The following WWOX variants were observed in gnomAD, a reference collection of about 807,000 sequenced individuals.
WWOX encodes the protein WW domain containing oxidoreductase.
Under a neutral mutation model 46.2 loss-of-function variants are expected in WWOX, and 69 were observed. The ratio of observed to expected loss-of-function variants is 1.49; its 90% CI spans 1.23 to 1.82. The LOEUF (loss-of-function observed/expected upper bound fraction) is 1.82, where lower values mean the gene tolerates loss of function less well. Ranked by LOEUF, WWOX falls within the 40% of genes most tolerant of loss-of-function variation. The pLI, the probability that WWOX is intolerant of heterozygous loss-of-function variation, is 0.00. For synonymous variants in WWOX, 359 were observed against 202.6 expected (o/e 1.77, Z -6.56); for missense variants, 919 against 542.6 (o/e 1.69, Z -6.89).
intron 5 of WWOX, among the ~76,000 whole-genome samples, chr16:78,205,599 A>T (rs1460489921): frequency 1.3e-5 from 2 of 149,484 alleles, no homozygotes; most frequent in African/African-American, 4.9e-5. Context: ...CCACCCATCC[A>T]TACACACTTC....
intron 4 of WWOX, among the ~76,000 whole-genome samples, chr16:78,135,694 C>A (rs950697518): frequency 6.7e-6 from 1 of 149,900 alleles, no homozygotes; most frequent in African/African-American, 2.5e-5. Flanking sequence ...GAAAAAAAAA[C>A]AAAACAACAA....
chr16:78,815,586 C>G (rs572542856), intron 8 of WWOX, among the ~76,000 whole-genome samples: 2 of 152,210 alleles, frequency 1.3e-5, no homozygotes, highest in Non-Finnish European at 2.9e-5. Context: ...AAGCTGTCCT[C>G]CAAAACACAC....
intron 8 of WWOX, among the ~76,000 whole-genome samples, chr16:78,559,031 A>G (rs1375589089): frequency 6.6e-6 from 1 of 152,152 alleles, no homozygotes; most frequent in Non-Finnish European, 1.5e-5. Flanking sequence ...CGGCATCCAC[A>G]CAAGATCTGG....
intron 8 of WWOX, among the ~76,000 whole-genome samples, chr16:78,563,896 G>C (rs531270941): frequency 3.9e-5 from 6 of 152,292 alleles, no homozygotes; most frequent in South Asian, 2.1e-4. Context: ...AACCAGGATG[G>C]CATGAAACTT....
intron 4 of WWOX, among the ~76,000 whole-genome samples, chr16:78,140,708 G>A (rs1425570027): frequency 6.6e-6 from 1 of 152,138 alleles, no homozygotes; most frequent in Admixed American, 6.5e-5. Flanking sequence ...TACTGGGTGA[G>A]AGCCCACCTT....
chr16:78,370,522 T>G (rs1209070563), intron 5 of WWOX, among the ~76,000 whole-genome samples: 1 of 151,960 alleles, frequency 6.6e-6, no homozygotes, highest in African/African-American at 2.4e-5. Flanking sequence ...TTTTATGTCA[T>G]TTTAAATGTT....
rs2048577297 is a variant in WWOX, at chr16:78,716,926, C to T, written c.1056+284174C>T. ...TATCTTATTTTCAGTTTCAAAAGGG[C>T]ATATCCTGCCCCCTTTCCCAAGATC... On this transcript the variant is annotated intron_variant, in intron 8 of 8. Coordinates refer to ENST00000566780, the MANE Select transcript of WWOX (RefSeq NM_016373.4). Among the ~76,000 whole-genome samples, 2 of 152,280 alleles carry T rather than the reference C, an allele frequency of 1.3e-5. 1 individual carries two copies. Among genetic ancestry groups the T allele is most frequent in the South Asian group, 4.1e-4 (2 of 4,824 alleles).
intron 8 of WWOX, among the ~76,000 whole-genome samples, chr16:79,070,511 T>A (rs532727356): frequency 6.6e-6 from 1 of 152,166 alleles, no homozygotes; most frequent in Admixed American, 6.5e-5. Flanking sequence ...GGGTGGAGCG[T>A]CTGCCTTCTA....
intron 8 of WWOX, among the ~76,000 whole-genome samples, chr16:79,040,676 C>G (rs904622458): frequency 2.6e-5 from 4 of 152,050 alleles, no homozygotes; most frequent in Non-Finnish European, 5.9e-5. Context: ...ATCATCAACC[C>G]CTCCCCAGCT....
At chr16:78,430,382 T>A (rs532807698) in intron 7 of WWOX, among the ~76,000 whole-genome samples, 5 of 152,202 alleles carry the variant, frequency 3.3e-5, no homozygotes, top group Admixed American at 6.5e-5. Flanking sequence ...AATCTGAAAG[T>A]GCTTTTATTC....
At chr16:78,745,921 A>C (rs2049337540) in intron 8 of WWOX, among the ~76,000 whole-genome samples, 1 of 152,058 alleles carries the variant, frequency 6.6e-6, no homozygotes, top group East Asian at 1.9e-4. Context: ...CTGCCAAGGA[A>C]AACACTCCCG....
intron 8 of WWOX, among the ~76,000 whole-genome samples, chr16:78,904,712 G>A (rs904750978): frequency 4.6e-5 from 7 of 152,124 alleles, no homozygotes; most frequent in Non-Finnish European, 5.9e-5. Context: ...GACAATAGGC[G>A]TATGTCAAGA....
intron 8 of WWOX, among the ~76,000 whole-genome samples, chr16:78,546,879 C>T (rs1359806261): frequency 6.6e-6 from 1 of 152,148 alleles, no homozygotes; most frequent in Non-Finnish European, 1.5e-5. Flanking sequence ...GTAATCTTAG[C>T]ACTTTGGGAG....
intron 6 of WWOX, among the ~76,000 whole-genome samples, chr16:78,397,788 C>A (rs927283734): frequency 6.6e-6 from 1 of 152,164 alleles, no homozygotes; most frequent in Admixed American, 6.5e-5. Context: ...ACCTCCCAAA[C>A]TGCTGGGATT....
At chr16:78,539,825 G>A (rs758003401) in intron 8 of WWOX, among the ~76,000 whole-genome samples, 2 of 152,060 alleles carry the variant, frequency 1.3e-5, no homozygotes, top group Admixed American at 1.3e-4. Context: ...CTGGGAATGC[G>A]TTCATTTTCT....
At chr16:78,419,488 T>C (rs1000437943) in intron 6 of WWOX, among the ~76,000 whole-genome samples, 1 of 152,020 alleles carries the variant, frequency 6.6e-6, no homozygotes, top group East Asian at 1.9e-4. Context: ...TCCATGCATA[T>C]TGTGAATTGA....
chr16:78,357,630 C>T (rs1455965662), intron 5 of WWOX, among the ~76,000 whole-genome samples: 1 of 152,170 alleles, frequency 6.6e-6, no homozygotes, highest in Non-Finnish European at 1.5e-5. Flanking sequence ...ATGTTCAACA[C>T]AGCTTTGTGG....
Position 78,920,103 on chromosome 16 carries a change from C to G in WWOX, c.1057-291505C>G, listed in dbSNP as rs2045344820. The stretch of plus-strand genomic sequence containing the variant: ...AGCTTGCAAAAACAAAGACTGAGTT[C>G]TTGTCTACACTGTAGGGCCGTCAAG... On this transcript the variant is annotated intron_variant, in intron 8 of 8. Coordinates refer to ENST00000566780, the MANE Select transcript of WWOX (RefSeq NM_016373.4). 3.3e-5 allele frequency among the ~76,000 whole-genome samples: 5 copies of G among 152,144 alleles called. No individual in the cohort carries two copies. The South Asian group carries it at 1.0e-3, about 31-fold the overall frequency.
chr16:78,672,858 C>T (rs953873602), intron 8 of WWOX, among the ~76,000 whole-genome samples: 37 of 152,302 alleles, frequency 2.4e-4, no homozygotes, highest in Admixed American at 1.8e-3. Flanking sequence ...ATAGAATCAT[C>T]GCCTTGGTGA....
Sources: gnomAD v4.1 joint callset for allele counts (sites outside exome capture counted in the v4.1 genomes callset) on GRCh38, gnomAD v4.1.1 for gene constraint, MANE v1.5 for transcripts, NCBI Gene and HGNC (gene_info 2026-07-23, HGNC 2026-07-21) for gene names.